The following SHLD2 variants were observed in gnomAD, a reference collection of about 807,000 sequenced individuals.
SHLD2 encodes the protein shieldin complex subunit 2.
A neutral mutation model predicts 73.2 loss-of-function variants in SHLD2; 30 were observed. That is an observed-to-expected ratio of 0.41 (90% CI 0.31 to 0.56). The LOEUF (loss-of-function observed/expected upper bound fraction) is 0.56. Ranked by LOEUF, SHLD2 falls within the 20% of genes least tolerant of loss-of-function variation. SHLD2 has a pLI of 0.28. For synonymous variants in SHLD2, 285 were observed against 370.1 expected, an observed-to-expected ratio of 0.77 and a Z score of 2.64; for missense variants, 745 against 1,055.9, an observed-to-expected ratio of 0.71 and a Z score of 4.08.
At chr10:87,164,379 A>G (rs762112355) in intron 4 of SHLD2, among the ~76,000 whole-genome samples, 22 of 152,094 alleles carry the variant, frequency 1.4e-4, no homozygotes, top group Non-Finnish European at 2.4e-4. Flanking sequence ...CAGCCTTCCA[A>G]GTAGCCGGTA....
rs1564614625 is a variant in SHLD2, at chr10:87,180,191, A to T, written c.2287A>T (p.Ile763Phe). Residue 763 changes from isoleucine to phenylalanine, a missense_variant, in exon 8 of 10, where the codon ATC becomes TTC. This residue lies in a region of SHLD2 where 418 missense variants were observed against 567.8 expected (regional missense o/e 0.74). Transcript: ENST00000298786. ...GAGTATTTTTTCTTCTCTTCCCAAC[A>T]TCGTATATACTGGTTGTGCAAAATG... is the stretch of plus-strand genomic sequence containing the variant. Reference protein sequence around the residue: ...LKSIFSSLPNIVYTGCAKCGL... With the variant: ...LKSIFSSLPNFVYTGCAKCGL... 8 of 1,613,374 alleles carry T rather than the reference A, an allele frequency of 5.0e-6. No homozygotes were observed. The highest frequency in any genetic ancestry group is 1.7e-4 in the Middle Eastern group (1 of 6,052).
intron 6 of SHLD2, among the ~76,000 whole-genome samples, chr10:87,172,803 TA>T (rs2134602500): frequency 6.6e-6 from 1 of 152,174 alleles, no homozygotes; most frequent in African/African-American, 2.4e-5. Context: ...CTCATTTTAA[TA>T]AAAATGTATC....
intron 4 of SHLD2, among the ~76,000 whole-genome samples, chr10:87,163,665 C>T (rs933438465): frequency 1.3e-5 from 2 of 149,894 alleles, no homozygotes; most frequent in Non-Finnish European, 3.0e-5. Flanking sequence ...CAAATGAGTA[C>T]ATAGATTGTA....
At chr10:87,159,525 A>C (rs891199145) in intron 4 of SHLD2, among the ~76,000 whole-genome samples, 1 of 152,230 alleles carries the variant, frequency 6.6e-6, no homozygotes, top group Non-Finnish European at 1.5e-5. Flanking sequence ...AATGAGTGCT[A>C]TGAAGGAAAC....
At chr10:87,190,049 G>A (rs888080437) in intron 9 of SHLD2, among the ~76,000 whole-genome samples, 4 of 152,036 alleles carry the variant, frequency 2.6e-5, no homozygotes, top group Admixed American at 2.6e-4. Flanking sequence ...TATAGAAAGA[G>A]TAGTTTACTT....
At chr10:87,111,640 C>CAAAAA (rs972282870) in intron 2 of SHLD2, among the ~76,000 whole-genome samples, 1 of 66,872 alleles carries the variant, frequency 1.5e-5, no homozygotes. Context: ...GAGTCTGTCT[C>CAAAAA]AAAAAAAAAA....
chr10:87,125,201 T>C (rs1477957263), intron 2 of SHLD2, among the ~76,000 whole-genome samples: 3 of 152,252 alleles, frequency 2.0e-5, no homozygotes, highest in Non-Finnish European at 4.4e-5. Flanking sequence ...ATTTTATGTT[T>C]GGATGATTAT....
chr10:87,191,443 A>C lies in SHLD2; in HGVS notation c.*760A>C, dbSNP rs1246821661. On this transcript the variant is annotated 3_prime_UTR_variant, in exon 10 of 10. Coordinates refer to ENST00000298786, the MANE Select transcript of SHLD2 (RefSeq NM_001330112.2). ...GTTAATAGATTATCATATTGCCTGA[A>C]AATAAATTCATGATGACATGAACAA... 1 of 152,290 alleles carries C rather than the reference A, an allele frequency of 6.6e-6. No homozygotes were observed. The highest frequency in any genetic ancestry group is 2.4e-5 in the African/African-American group (1 of 41,450). 9.4% of individuals were successfully genotyped at this position (152,290 alleles called of 1,614,324 possible).
At chr10:87,186,572 C>T (rs1848632535) in intron 8 of SHLD2, among the ~76,000 whole-genome samples, 1 of 152,136 alleles carries the variant, frequency 6.6e-6, no homozygotes. Context: ...TGTTGTTGTT[C>T]CCTAGAGTCT....
intron 2 of SHLD2, among the ~76,000 whole-genome samples, chr10:87,104,518 C>T (rs1842473688): frequency 7.1e-6 from 1 of 141,320 alleles, no homozygotes; most frequent in South Asian, 2.2e-4. Flanking sequence ...TGGGTGACAA[C>T]AGCAAGATTC....
chr10:87,100,097 T>C (rs531266796), intron 2 of SHLD2, among the ~76,000 whole-genome samples: 3 of 152,292 alleles, frequency 2.0e-5, no homozygotes, highest in South Asian at 4.1e-4. Flanking sequence ...AGCACAAAAG[T>C]TTTTAATTTT....
chr10:87,120,662 G>A (rs183949095), intron 2 of SHLD2, among the ~76,000 whole-genome samples: 6 of 152,276 alleles, frequency 3.9e-5, no homozygotes, highest in East Asian at 1.9e-4. Flanking sequence ...TTTCAAGTAC[G>A]TTCTTCTTTC....
At chr10:87,114,342 G>A (rs1475036622) in intron 2 of SHLD2, 3 of 152,160 alleles carry the variant, frequency 2.0e-5, no homozygotes, top group Non-Finnish European at 4.4e-5. Flanking sequence ...CTGAGAAAGC[G>A]ATTTTATATT....
chr10:87,137,303 A>G (rs1428781886), intron 2 of SHLD2, among the ~76,000 whole-genome samples: 1 of 152,126 alleles, frequency 6.6e-6, no homozygotes, highest in African/African-American at 2.4e-5. Context: ...ATGCCAAAGA[A>G]CCAAGTTGAA....
At chr10:87,145,229 G>A (rs1395150527) in intron 2 of SHLD2, among the ~76,000 whole-genome samples, 1 of 152,042 alleles carries the variant, frequency 6.6e-6, no homozygotes, top group Non-Finnish European at 1.5e-5. Flanking sequence ...AAAGAGTTCG[G>A]CATGAATATA....
At chr10:87,116,877 T>C (rs1280531661) in intron 2 of SHLD2, among the ~76,000 whole-genome samples, 3 of 152,166 alleles carry the variant, frequency 2.0e-5, no homozygotes, top group Non-Finnish European at 2.9e-5. Context: ...GGCAAGATAT[T>C]TCAGTAGCGA....
chr10:87,146,799 C>T (rs1845643656), intron 2 of SHLD2, among the ~76,000 whole-genome samples: 1 of 151,664 alleles, frequency 6.6e-6, no homozygotes, highest in East Asian at 2.0e-4. Context: ...GCTCATGCCT[C>T]TAATCTCAGC....
chr10:87,122,064 C>T (rs943895936), intron 2 of SHLD2, among the ~76,000 whole-genome samples: 2 of 149,216 alleles, frequency 1.3e-5, no homozygotes, highest in Non-Finnish European at 3.0e-5. Context: ...TGAACCTGGC[C>T]AAAAGTGGTA....
intron 2 of SHLD2, among the ~76,000 whole-genome samples, chr10:87,110,406 G>A (rs934192356): frequency 3.9e-5 from 6 of 152,076 alleles, no homozygotes; most frequent in South Asian, 2.1e-4. Flanking sequence ...TCAAGAGTTC[G>A]AGATCAGCCT....
Sources: gnomAD v4.1 joint callset for allele counts (sites outside exome capture counted in the v4.1 genomes callset) on GRCh38, gnomAD v4.1.1 for gene constraint, gnomAD v4.1.1 regional missense constraint, MANE v1.5 for transcripts, NCBI Gene and HGNC (gene_info 2026-07-23, HGNC 2026-07-21) for gene names.